Variants in CCDC81 observed in about 807,000 individuals in gnomAD.
CCDC81 encodes the protein coiled-coil domain containing 81.
CCDC81 carries 79 observed loss-of-function variants against 83.7 expected under a neutral mutation model. That is an observed-to-expected ratio of 0.94 (90% CI 0.79 to 1.14). The LOEUF (loss-of-function observed/expected upper bound fraction) is 1.14. CCDC81 is among the 50% of genes most tolerant of loss of function. The pLI, the probability that CCDC81 is intolerant of heterozygous loss-of-function variation, is 0.00. For synonymous variants in CCDC81, 252 were observed against 278.1 expected (o/e 0.91, Z 0.93); for missense variants, 791 against 778.1 (o/e 1.02, Z -0.20).
rs752000386 is a variant in CCDC81, at chr11:86,395,347, T to C, written c.569T>C (p.Val190Ala). The change falls in exon 5 of 15, where the codon GTG becomes GCG. Residue 190 changes from valine (V) to alanine (A), a missense_variant. Coordinates refer to ENST00000445632, the MANE Select transcript of CCDC81 (RefSeq NM_001156474.2). ...GCTGTCCTCTAGAGGCCTGGCACTGTGGACTCGGTGTTGTCTAGCAGAGAG... is the reference window on the plus strand; with the variant it reads ...GCTGTCCTCTAGAGGCCTGGCACTGCGGACTCGGTGTTGTCTAGCAGAGAG... ...AKALANRPGT[V>A]DSVLSSREAL... The C allele has an allele frequency of 1.9e-6, 3 of 1,614,106 alleles. No homozygotes were observed. Among genetic ancestry groups the C allele is most frequent in the East Asian group, 4.5e-5 (2 of 44,878 alleles).
Position 86,412,545 on chromosome 11 carries a change from G to A in CCDC81, c.1377G>A (p.Val459=), listed in dbSNP as rs777774254. 7 of 1,608,440 alleles carry A rather than the reference G, an allele frequency of 4.4e-6. No individual in the cohort carries two copies. The South Asian group carries it at 5.6e-5, about 13-fold the overall frequency. The change falls in exon 11 of 15, where the codon GTG becomes GTA. Residue 459 remains valine, a synonymous_variant. Coordinates refer to ENST00000445632, the MANE Select transcript of CCDC81 (RefSeq NM_001156474.2). ...AGTTGATGGACCGCCTGGAACAAGT[G>A]CAACTCACAGAGGAGTGAGTCCAGC... ...YRELMDRLEQ[V]QLTEELAAQR... is the part of the protein sequence containing the mutation.
chr11:86,381,119 T>C (rs887746651), intron 1 of CCDC81, among the ~76,000 whole-genome samples: 11 of 152,224 alleles, frequency 7.2e-5, no homozygotes, highest in African/African-American at 2.7e-4. Context: ...CTCAGTCTTT[T>C]AGTGAGCCTG....
At chr11:86,382,510 A>G (rs1948189084) in intron 1 of CCDC81, among the ~76,000 whole-genome samples, 1 of 152,202 alleles carries the variant, frequency 6.6e-6, no homozygotes. Flanking sequence ...GACAAGATTT[A>G]AGAGAAGAAA....
At chr11:86,383,215 G>A (rs557585599) in intron 1 of CCDC81, among the ~76,000 whole-genome samples, 26 of 152,282 alleles carry the variant, frequency 1.7e-4, no homozygotes, top group Non-Finnish European at 2.6e-4. Flanking sequence ...AAGGCTGTGG[G>A]TCTTCCACGT....
At chr11:86,396,348 G>A (rs1445769125) in intron 5 of CCDC81, among the ~76,000 whole-genome samples, 1 of 152,164 alleles carries the variant, frequency 6.6e-6, no homozygotes, top group Non-Finnish European at 1.5e-5. Flanking sequence ...GGAGTCAGGA[G>A]ACTTTAGTTT....
chr11:86,414,965 C>A, intron 12 of CCDC81, 98 bp downstream of exon 12: 1 of 1,395,060 alleles, frequency 7.2e-7, no homozygotes, highest in Non-Finnish European at 9.9e-7. Context: ...ATGTGTTATG[C>A]ATTTGGTAGT....
In CCDC81 at chr11:86,415,298, A is replaced by G. The variant is rs1239904492; in HGVS notation, c.1676A>G (p.Gln559Arg). 6.2e-7 allele frequency: 1 copy of G among 1,613,934 alleles called. No homozygotes were observed. Among genetic ancestry groups the G allele is most frequent in the East Asian group, 2.2e-5 (1 of 44,876 alleles). ...CAGAGGCGGGATTTGCAAATGCTTCAGAGGACACAAAGAGAGTAAGGAGAC... is the reference window on the plus strand; with the variant it reads ...CAGAGGCGGGATTTGCAAATGCTTCGGAGGACACAAAGAGAGTAAGGAGAC... The part of the protein sequence containing the change: ...VDQRRDLQML[Q>R]RTQREHLADR... Residue 559 changes from glutamine (Q) to arginine (R), a missense_variant, in exon 13 of 15, where the codon CAG (glutamine) becomes CGG (arginine). Physicochemically the swap from Gln to Arg is conservative, Grantham distance 43. Coordinates refer to ENST00000445632, the MANE Select transcript of CCDC81 (RefSeq NM_001156474.2).
intron 1 of CCDC81, among the ~76,000 whole-genome samples, chr11:86,382,833 C>T (rs1948192671): frequency 1.3e-5 from 2 of 152,066 alleles, no homozygotes; most frequent in Non-Finnish European, 2.9e-5. Context: ...GTATAAAAGC[C>T]AAAAGGAGAG....
At position 86,409,263 on chromosome 11, in the gene CCDC81, G is replaced by T; in HGVS notation, c.1116G>T (p.Met372Ile). The T allele has an allele frequency of 1.5e-6, 2 of 1,372,536 alleles. No individual in the cohort carries two copies. Among genetic ancestry groups the T allele is most frequent in the Admixed American group, 2.7e-5 (1 of 36,374 alleles). The allele number at this position is 1,372,536 out of a possible 1,614,324, so 85.0% of individuals were successfully genotyped here. The change falls in exon 10 of 15, where the codon ATG becomes ATT. Residue 372 changes from methionine (M) to isoleucine (I), a missense_variant and splice_region_variant. Met to Ile is a conservative substitution (Grantham distance 10). Transcript: ENST00000445632. Reference sequence around the variant, plus strand: ...CTTTTTTTTTTTTTAAACAATAGATGAAAAGTCTGGCTACTAGAGAACAGA... The same window carrying T: ...CTTTTTTTTTTTTTAAACAATAGATTAAAAGTCTGGCTACTAGAGAACAGA... ...KDQEALFRHQ[M>I]KSLATREQNQ...
chr11:86,395,197 C>T, intron 4 of CCDC81, 137 bp from the exon 5 acceptor site: 2 of 603,296 alleles, frequency 3.3e-6, no homozygotes, highest in South Asian at 4.7e-5. Flanking sequence ...TTTTTAAGCT[C>T]TGGACTTATA....
intron 11 of CCDC81, chr11:86,414,263 T>C (rs531687423): frequency 6.6e-6 from 1 of 152,580 alleles, no homozygotes; most frequent in African/African-American, 2.4e-5. Flanking sequence ...GTCACCTGCC[T>C]ATACTTGTTT....
chr11:86,403,551 TG>T (rs1948522687), intron 7 of CCDC81, among the ~76,000 whole-genome samples: 2 of 151,946 alleles, frequency 1.3e-5, no homozygotes, highest in South Asian at 4.2e-4. Context: ...GAGGAAGAGG[TG>T]TAATAAAATG....
intron 3 of CCDC81, among the ~76,000 whole-genome samples, chr11:86,392,300 A>G (rs982383744): frequency 1.3e-5 from 2 of 152,244 alleles, no homozygotes; most frequent in South Asian, 4.1e-4. Flanking sequence ...TTAGAAAGCT[A>G]ACTGTTCTTA....
At chr11:86,386,995 T>C (rs367670369) in intron 2 of CCDC81, among the ~76,000 whole-genome samples, 17 of 152,258 alleles carry the variant, frequency 1.1e-4, no homozygotes, top group Admixed American at 4.6e-4. Flanking sequence ...GAATGATATC[T>C]CCAGGGAGAC....
At chr11:86,417,233 C>G (rs1420737809) in intron 13 of CCDC81, among the ~76,000 whole-genome samples, 1 of 40,462 alleles carries the variant, frequency 2.5e-5, no homozygotes, top group East Asian at 7.4e-4. Context: ...ACAGAGATTG[C>G]CTCAAAAAAA....
At chr11:86,386,521 C>A (rs951457464) in intron 2 of CCDC81, among the ~76,000 whole-genome samples, 1 of 152,076 alleles carries the variant, frequency 6.6e-6, no homozygotes, top group African/African-American at 2.4e-5. Context: ...AGAAGACTTG[C>A]CAAAATGAGA....
intron 6 of CCDC81, among the ~76,000 whole-genome samples, chr11:86,399,025 A>G (rs538885301): frequency 1.3e-5 from 2 of 152,322 alleles, no homozygotes; most frequent in African/African-American, 4.8e-5. Context: ...TATATGTGCT[A>G]CTAAAGTGAG....
intron 11 of CCDC81, 55 bp from the exon 12 acceptor site, chr11:86,414,734 A>G: frequency 9.3e-7 from 1 of 1,070,096 alleles, no homozygotes; most frequent in East Asian, 2.4e-5. Flanking sequence ...ATGTTAATCC[A>G]TATTACTAAA....
chr11:86,390,981 C>T (rs1565760467), intron 3 of CCDC81, among the ~76,000 whole-genome samples: 3 of 152,022 alleles, frequency 2.0e-5, no homozygotes, highest in South Asian at 4.2e-4. Context: ...TAAACAAGGA[C>T]AAAATCCTAT....
Sources: gnomAD v4.1 joint callset for allele counts (sites outside exome capture counted in the v4.1 genomes callset) on GRCh38, gnomAD v4.1.1 for gene constraint, MANE v1.5 for transcripts, NCBI Gene and HGNC (gene_info 2026-07-23, HGNC 2026-07-21) for gene names.